SYN3: variants seen among roughly 807,000 people sequenced by gnomAD.
SYN3 encodes synapsin III, also known as synapsin-3.
In SYN3, 35 loss-of-function variants were observed where a neutral mutation model predicts 65.8. That is an observed-to-expected ratio of 0.53 (90% confidence interval 0.41 to 0.70). The LOEUF (loss-of-function observed/expected upper bound fraction) is 0.70, where lower values mean the gene tolerates loss of function less well. Among genes scored for constraint, SYN3 ranks in the 30% least tolerant of loss-of-function variants. The probability of loss-of-function intolerance (pLI) is 0.00; values close to 1 mark genes in which losing one functional copy is unlikely to be tolerated. For synonymous variants in SYN3, 270 were observed against 292.9 expected (o/e 0.92, Z 0.80); for missense variants, 680 against 749.0 (o/e 0.91, Z 1.08).
intron 6 of SYN3, among the ~76,000 whole-genome samples, chr22:32,790,176 A>G (rs535926271): frequency 7.9e-5 from 12 of 152,202 alleles, no homozygotes; most frequent in Non-Finnish European, 1.5e-4. Context: ...GTGTTTGCCA[A>G]TTTCTGTGGT....
chr22:32,644,839 C>G (rs2059961273), intron 6 of SYN3, among the ~76,000 whole-genome samples: 1 of 152,254 alleles, frequency 6.6e-6, no homozygotes, highest in South Asian at 2.1e-4. Flanking sequence ...CTTTTCTCCT[C>G]TTTTTCTGAC....
chr22:32,851,003 GGTTATGTAAT>G (rs1228062496), intron 6 of SYN3, among the ~76,000 whole-genome samples: 2 of 152,158 alleles, frequency 1.3e-5, no homozygotes, highest in Admixed American at 6.5e-5. Context: ...ACAGCCTTCT[GGTTATGTAAT>G]GTCCAGAGTC....
At chr22:32,591,063 G>A (rs898751992) in intron 7 of SYN3, among the ~76,000 whole-genome samples, 1 of 152,086 alleles carries the variant, frequency 6.6e-6, no homozygotes, top group Admixed American at 6.6e-5. Context: ...ACCAGCTTAC[G>A]AAGCTCATAC....
At chr22:32,874,369 T>G (rs945233956) in intron 4 of SYN3, among the ~76,000 whole-genome samples, 9 of 152,182 alleles carry the variant, frequency 5.9e-5, no homozygotes, top group African/African-American at 2.2e-4. Flanking sequence ...TCCCAAGTCT[T>G]TCTCAGAAGT....
chr22:32,834,574 T>C (rs2047675092), intron 6 of SYN3, among the ~76,000 whole-genome samples: 1 of 152,048 alleles, frequency 6.6e-6, no homozygotes, highest in Non-Finnish European at 1.5e-5. Flanking sequence ...GCAGTGGAGG[T>C]GGCAGGGGGA....
intron 3 of SYN3, among the ~76,000 whole-genome samples, chr22:32,969,808 G>A (rs2051962752): frequency 1.3e-5 from 2 of 152,168 alleles, no homozygotes; most frequent in Admixed American, 1.3e-4. Context: ...AACATTCATT[G>A]CATTTTTTCT....
At chr22:32,860,106 T>G (rs1328333044) in intron 6 of SYN3, 1 of 152,272 alleles carries the variant, frequency 6.6e-6, no homozygotes, top group African/African-American at 2.4e-5. Context: ...TCTTAGTTGG[T>G]GAAGACTTAA....
Position 32,549,930 on chromosome 22 carries a change from G to A in SYN3, c.775-8217C>T, listed in dbSNP as rs1326235994. Among the ~76,000 whole-genome samples, 4 of 150,990 alleles carry A rather than the reference G, an allele frequency of 2.6e-5. 1 individual carries two copies. The highest frequency in any genetic ancestry group is 4.2e-4 in the South Asian group (2 of 4,758). On this transcript the variant is annotated intron_variant, in intron 7 of 13. Coordinates refer to ENST00000358763, the MANE Select transcript of SYN3 (RefSeq NM_003490.4). Reference sequence around the variant, plus strand: ...ATGAAGGAATGAACCAAAACCAAATGAGAATGTTACCTATAGAGGGAAGGG... The same window carrying A: ...ATGAAGGAATGAACCAAAACCAAATAAGAATGTTACCTATAGAGGGAAGGG...
intron 6 of SYN3, among the ~76,000 whole-genome samples, chr22:32,732,463 C>G (rs1242977652): frequency 6.6e-6 from 1 of 152,198 alleles, no homozygotes; most frequent in Non-Finnish European, 1.5e-5. Flanking sequence ...TGGTGACTCC[C>G]CACACTAACC....
At chr22:32,754,156 CT>C (rs942104949) in intron 6 of SYN3, among the ~76,000 whole-genome samples, 2 of 151,952 alleles carry the variant, frequency 1.3e-5, no homozygotes, top group Admixed American at 1.3e-4. Context: ...CCCTCCCTTC[CT>C]TTTTTTCTTT....
intron 2 of SYN3, among the ~76,000 whole-genome samples, chr22:33,001,366 C>T (rs764336399): frequency 6.6e-6 from 1 of 152,172 alleles, no homozygotes; most frequent in Non-Finnish European, 1.5e-5. Context: ...ATGTCTGAGG[C>T]CACTCATTGC....
At chr22:32,757,060 G>T (rs578208593) in intron 6 of SYN3, among the ~76,000 whole-genome samples, 5 of 150,808 alleles carry the variant, frequency 3.3e-5, no homozygotes, top group African/African-American at 7.3e-5. Context: ...TTTTTTTTGA[G>T]GGGGGGTGGT....
intron 13 of SYN3, among the ~76,000 whole-genome samples, chr22:32,515,252 G>C (rs2057752605): frequency 6.6e-6 from 1 of 152,214 alleles, no homozygotes; most frequent in African/African-American, 2.4e-5. Flanking sequence ...CAGAGCCCCT[G>C]TCTGTCCTGT....
chr22:32,799,663 G>C (rs886485332), intron 6 of SYN3, among the ~76,000 whole-genome samples: 7 of 152,212 alleles, frequency 4.6e-5, no homozygotes, highest in Non-Finnish European at 1.5e-5. Flanking sequence ...AATAAGTCAT[G>C]TGGGGCGCGG....
intron 6 of SYN3, among the ~76,000 whole-genome samples, chr22:32,647,115 C>G (rs1348828696): frequency 1.3e-5 from 2 of 152,148 alleles, no homozygotes; most frequent in Non-Finnish European, 2.9e-5. Context: ...TGGGTTTTAC[C>G]TCTCCTACTT....
intron 10 of SYN3, 133 bp from the exon 11 acceptor site, chr22:32,529,141 C>A: frequency 8.9e-7 from 1 of 1,129,512 alleles, no homozygotes; most frequent in Non-Finnish European, 1.3e-6. Flanking sequence ...CCATGCAAAT[C>A]ACCTCCAGCT....
intron 6 of SYN3, among the ~76,000 whole-genome samples, chr22:32,847,232 G>A (rs2048091602): frequency 6.6e-6 from 1 of 152,206 alleles, no homozygotes; most frequent in African/African-American, 2.4e-5. Flanking sequence ...GCCTGTGAGA[G>A]TTAATATGGA....
At chr22:32,611,940 G>A (rs775866658) in intron 6 of SYN3, among the ~76,000 whole-genome samples, 2 of 152,150 alleles carry the variant, frequency 1.3e-5, no homozygotes, top group Non-Finnish European at 2.9e-5. Flanking sequence ...GGAGAGATGG[G>A]ATAGAGATTG....
intron 7 of SYN3, among the ~76,000 whole-genome samples, chr22:32,586,998 T>C (rs1259412857): frequency 1.3e-5 from 2 of 151,752 alleles, no homozygotes; most frequent in Non-Finnish European, 2.9e-5. Flanking sequence ...CTGAGGCAGG[T>C]GGATCACGAG....
Sources: gnomAD v4.1 joint callset for allele counts (sites outside exome capture counted in the v4.1 genomes callset) on GRCh38, gnomAD v4.1.1 for gene constraint, MANE v1.5 for transcripts, NCBI Gene and HGNC (gene_info 2026-07-23, HGNC 2026-07-21) for gene names.